Variants in NELL2 observed in about 807,000 individuals in gnomAD.
NELL2 encodes the protein neural EGFL like 2.
A neutral mutation model predicts 109.6 loss-of-function variants in NELL2; 41 were observed. That is an observed-to-expected ratio of 0.37 (90% CI 0.29 to 0.49). NELL2 has a LOEUF of 0.49. Ranked by LOEUF, NELL2 falls within the 20% of genes least tolerant of loss-of-function variation. The probability of loss-of-function intolerance (pLI) is 0.98; values close to 1 mark genes in which losing one functional copy is unlikely to be tolerated. For missense variants in NELL2, 900 were observed against 1,008.3 expected (o/e 0.89, Z 1.45); for synonymous variants, 355 against 344.7 (o/e 1.03, Z -0.33).
intron 13 of NELL2, among the ~76,000 whole-genome samples, chr12:44,657,979 C>T (rs1481550867): frequency 6.6e-6 from 1 of 152,192 alleles, no homozygotes; most frequent in African/African-American, 2.4e-5. Context: ...ATTTATAAGA[C>T]TTTGGGTATA....
chr12:44,750,157 G>T (rs996040855), intron 9 of NELL2, among the ~76,000 whole-genome samples: 3 of 152,146 alleles, frequency 2.0e-5, no homozygotes, highest in African/African-American at 7.2e-5. Flanking sequence ...ACCCAGCAGA[G>T]ATTATGTTTT....
At chr12:44,707,120 C>G (rs920017388) in intron 11 of NELL2, among the ~76,000 whole-genome samples, 1 of 152,150 alleles carries the variant, frequency 6.6e-6, no homozygotes, top group East Asian at 1.9e-4. Context: ...CGTTATCACT[C>G]ACCCCTACTT....
At chr12:44,839,160 C>G (rs1944145806) in intron 2 of NELL2, among the ~76,000 whole-genome samples, 1 of 152,130 alleles carries the variant, frequency 6.6e-6, no homozygotes, top group Non-Finnish European at 1.5e-5. Context: ...TGTATACTAT[C>G]TGTGAAAGAC....
At chr12:44,908,529 T>C (rs1013616326) in intron 1 of NELL2, among the ~76,000 whole-genome samples, 1 of 151,886 alleles carries the variant, frequency 6.6e-6, no homozygotes, top group Non-Finnish European at 1.5e-5. Flanking sequence ...TGAGGAAGAA[T>C]GGAAGACAAT....
At chr12:44,632,175 ACCTGATAAAT>A (rs1946479688) in intron 13 of NELL2, among the ~76,000 whole-genome samples, 1 of 152,096 alleles carries the variant, frequency 6.6e-6, no homozygotes, top group Non-Finnish European at 1.5e-5. Context: ...AATTTCAGAA[ACCTGATAAAT>A]GGCGTCAACG....
chr12:44,536,731 A>G (rs747422115), intron 15 of NELL2, among the ~76,000 whole-genome samples: 2 of 151,984 alleles, frequency 1.3e-5, no homozygotes, highest in Non-Finnish European at 2.9e-5. Context: ...ATTCTGTCTT[A>G]GAAAGGAACT....
chr12:44,641,916 T>C lies in NELL2; in HGVS notation c.1444+23568A>G, dbSNP rs144680889. On this transcript the variant is annotated intron_variant, in intron 13 of 19. Coordinates refer to ENST00000429094, the MANE Select transcript of NELL2 (RefSeq NM_001145108.2). ...TTCACAGTATTGCCCAGGCTGGTCT[T>C]GAACTCCTGAGCTCAGGCAATCCAC... Among the ~76,000 whole-genome samples the C allele has an allele frequency of 2.1e-3, 321 of 152,116 alleles. 1 individual carries two copies. Among genetic ancestry groups the C allele is most frequent in the African/African-American group, 7.5e-3 (313 of 41,508 alleles).
intron 15 of NELL2, among the ~76,000 whole-genome samples, chr12:44,571,300 T>C (rs1943865368): frequency 6.6e-6 from 1 of 152,202 alleles, no homozygotes; most frequent in Non-Finnish European, 1.5e-5. Flanking sequence ...CTTCTTGGCT[T>C]AGCAGAGTGT....
At chr12:44,681,159 A>G (rs1281654266) in intron 12 of NELL2, among the ~76,000 whole-genome samples, 1 of 151,080 alleles carries the variant, frequency 6.6e-6, no homozygotes, top group Admixed American at 6.6e-5. Flanking sequence ...CCATGTCAAT[A>G]TACATATATA....
At chr12:44,544,697 A>T (rs1592096246) in intron 15 of NELL2, among the ~76,000 whole-genome samples, 1 of 152,210 alleles carries the variant, frequency 6.6e-6, no homozygotes, top group East Asian at 1.9e-4. Flanking sequence ...TCATTTTAGA[A>T]ATGTTGAGTA....
chr12:44,567,158 A>G (rs933479053), intron 15 of NELL2, among the ~76,000 whole-genome samples: 4 of 152,262 alleles, frequency 2.6e-5, no homozygotes, highest in African/African-American at 9.6e-5. Context: ...TTAGTGAAAC[A>G]CAAAAACTCT....
intron 2 of NELL2, among the ~76,000 whole-genome samples, chr12:44,839,619 C>T (rs1158942382): frequency 6.6e-6 from 1 of 152,044 alleles, no homozygotes; most frequent in Non-Finnish European, 1.5e-5. Flanking sequence ...TATCTAATTC[C>T]AATATTTTTT....
intron 2 of NELL2, among the ~76,000 whole-genome samples, chr12:44,861,157 A>G (rs1485819903): frequency 1.3e-5 from 2 of 152,214 alleles, no homozygotes; most frequent in Non-Finnish European, 2.9e-5. Flanking sequence ...AGCAGTAAGG[A>G]CAATTTTACG....
rs536411774 is a variant in NELL2, at chr12:44,550,681, G to A, written c.1664-17960C>T. On this transcript the variant is annotated intron_variant, in intron 15 of 19. Coordinates refer to ENST00000429094, the MANE Select transcript of NELL2 (RefSeq NM_001145108.2). ...TATACATACAATGAAATACTATACA[G>A]CATTAAAAAGGAAGAAAATTCTGTT... Among the ~76,000 whole-genome samples the A allele has an allele frequency of 5.9e-5, 9 of 152,156 alleles. No individual in the cohort carries two copies. The South Asian group carries it at 1.7e-3, about 28-fold the overall frequency.
At position 44,682,049 on chromosome 12, in the gene NELL2, T is replaced by G. The variant is rs1426739957; in HGVS notation, c.1319-16440A>C. Among the ~76,000 whole-genome samples the G allele has an allele frequency of 1.7e-3, 260 of 151,012 alleles. 1 individual carries two copies. Among genetic ancestry groups the G allele is most frequent in the African/African-American group, 5.6e-3 (227 of 40,300 alleles). On this transcript the variant is annotated intron_variant, in intron 12 of 19. Transcript: ENST00000429094. ...AGTCCCACCAACAGTGTAAAAGTGT[T>G]CCTATTTCTCCACATCCTCTCCAGC...
chr12:44,817,873 T>C (rs950198569), intron 2 of NELL2, among the ~76,000 whole-genome samples: 1 of 152,204 alleles, frequency 6.6e-6, no homozygotes, highest in African/African-American at 2.4e-5. Flanking sequence ...TCTGCTACAA[T>C]TGGTCATGTG....
intron 1 of NELL2, among the ~76,000 whole-genome samples, chr12:44,892,810 A>G (rs1015917135): frequency 2.0e-5 from 3 of 151,284 alleles, no homozygotes; most frequent in Non-Finnish European, 1.5e-5. Context: ...AAAAAAAAAA[A>G]AAAAAAAAAG....
intron 15 of NELL2, among the ~76,000 whole-genome samples, chr12:44,606,047 A>G (rs965645446): frequency 9.2e-5 from 14 of 152,294 alleles, no homozygotes; most frequent in Admixed American, 9.2e-4. Flanking sequence ...CCCCTTAAGA[A>G]AGAATCCTAC....
At chr12:44,903,738 G>A (rs1945688555) in intron 1 of NELL2, among the ~76,000 whole-genome samples, 1 of 152,106 alleles carries the variant, frequency 6.6e-6, no homozygotes, top group African/African-American at 2.4e-5. Context: ...GTCCTTTGCA[G>A]GGACATGGAT....
Sources: allele counts gnomAD v4.1 joint callset (sites outside exome capture counted in the v4.1 genomes callset), GRCh38; gene constraint gnomAD v4.1.1; transcripts MANE v1.5; gene names NCBI Gene and HGNC (gene_info 2026-07-23, HGNC 2026-07-21).